Variants in PLCD3 observed in about 807,000 individuals in gnomAD.
PLCD3 encodes 1-phosphatidylinositol 4,5-bisphosphate phosphodiesterase delta-3.
A neutral mutation model predicts 82.8 loss-of-function variants in PLCD3; 62 were observed. The ratio of observed to expected loss-of-function variants is 0.75; its 90% confidence interval spans 0.61 to 0.93. The LOEUF is 0.93. PLCD3 is among the 40% of genes least tolerant of loss of function. The pLI, the probability that PLCD3 is intolerant of heterozygous loss-of-function variation, is 0.00. For synonymous variants in PLCD3, 478 were observed against 471.8 expected (o/e 1.01, Z -0.17); for missense variants, 1,023 against 1,103.4 (o/e 0.93, Z 1.03).
chr17:45,112,586 G>A lies in PLCD3; in HGVS notation c.*30C>T, dbSNP rs369852677. 157 of 1,561,660 alleles carry A rather than the reference G, an allele frequency of 1.0e-4. No individual in the cohort carries two copies. The East Asian group carries it at 1.1e-3, about 11-fold the overall frequency. On this transcript the variant is annotated 3_prime_UTR_variant, in exon 15 of 15. Coordinates refer to ENST00000619929, the MANE Select transcript of PLCD3 (RefSeq NM_133373.5). ...CTGCAGGGGATGTGGACTGGCACTCGCAGAACCCCAAGGCGAGTGAGGTGG... is the reference window on the plus strand; with the variant it reads ...CTGCAGGGGATGTGGACTGGCACTCACAGAACCCCAAGGCGAGTGAGGTGG...
At chr17:45,123,143 A>G (rs2054354241) in intron 1 of PLCD3, among the ~76,000 whole-genome samples, 1 of 152,014 alleles carries the variant, frequency 6.6e-6, no homozygotes, top group Non-Finnish European at 1.5e-5. Context: ...CCAATTGCAA[A>G]TTCTGACCTA....
Position 45,127,027 on chromosome 17 carries a change from G to A in PLCD3, c.163+5221C>T, listed in dbSNP as rs550908658. 5.8e-4 allele frequency among the ~76,000 whole-genome samples: 89 copies of A among 152,370 alleles called. 1 individual carries two copies. Among genetic ancestry groups the A allele is most frequent in the African/African-American group, 2.1e-3 (86 of 41,592 alleles). Reference sequence around the variant, plus strand: ...GACAGCCAGGTCGGCACCCGGTGGGGCTGAAATGTGGTGGAAGTTGGGGGA... The same window carrying A: ...GACAGCCAGGTCGGCACCCGGTGGGACTGAAATGTGGTGGAAGTTGGGGGA... On this transcript the variant is annotated intron_variant, in intron 1 of 14. Coordinates refer to ENST00000619929, the MANE Select transcript of PLCD3 (RefSeq NM_133373.5).
In PLCD3 at chr17:45,110,825, C is replaced by T. The variant is rs930370339; in HGVS notation, c.*1791G>A. 2 of 152,252 alleles carry T rather than the reference C, an allele frequency of 1.3e-5. No homozygotes were observed. Among genetic ancestry groups the T allele is most frequent in the African/African-American group, 2.4e-5 (1 of 41,456 alleles). 9.4% of individuals were successfully genotyped at this position (152,252 alleles called of 1,614,324 possible). A position where few individuals can be genotyped will look rare whatever the true frequency, so the allele number is the denominator to read the frequency against. Reference sequence around the variant, plus strand: ...TCTGGGCCCTTTTGATTCTGATTATCCTCTTTCAGACACACAAATTAACCA... The same window carrying T: ...TCTGGGCCCTTTTGATTCTGATTATTCTCTTTCAGACACACAAATTAACCA... On this transcript the variant is annotated 3_prime_UTR_variant, in exon 15 of 15. Transcript: ENST00000619929.
At chr17:45,115,726 C>T in intron 8 of PLCD3, 1 of 531,486 alleles carries the variant, frequency 1.9e-6, no homozygotes. Flanking sequence ...GCAGCCACTA[C>T]AATGCACGCG....
chr17:45,116,475 C>T (rs1293465635), intron 8 of PLCD3, among the ~76,000 whole-genome samples, 157 bp downstream of exon 8: 2 of 152,030 alleles, frequency 1.3e-5, no homozygotes, highest in African/African-American at 2.4e-5. Flanking sequence ...AAGGACAAGA[C>T]CAGGGGATGG....
Position 45,118,239 on chromosome 17 carries a change from A to G in PLCD3, c.1115+52T>C. On this transcript the variant is annotated intron_variant, in intron 6 of 14. Transcript: ENST00000619929. The surrounding 1 kb of genome is among the most constrained non-coding windows in gnomAD (Gnocchi z 4.1). ...CAGGAAGGCCCCAGGAAGCCAGCCC[A>G]TGTCTCTCCCCAGGTGGGGCTCCCG... 2 of 1,612,244 alleles carry G rather than the reference A, an allele frequency of 1.2e-6. No homozygotes were observed. Among genetic ancestry groups the G allele is most frequent in the Non-Finnish European group, 8.5e-7 (1 of 1,178,724 alleles).
intron 4 of PLCD3, among the ~76,000 whole-genome samples, chr17:45,119,827 C>A (rs562663266): frequency 5.3e-5 from 8 of 150,854 alleles, no homozygotes; most frequent in Non-Finnish European, 7.4e-5. Flanking sequence ...TGGGTCCCAC[C>A]ATCCACATGC....
chr17:45,115,074 C>T lies in PLCD3; in HGVS notation c.1711+20G>A. 2 of 1,585,324 alleles carry T rather than the reference C, an allele frequency of 1.3e-6. No individual in the cohort carries two copies. Among genetic ancestry groups the T allele is most frequent in the Non-Finnish European group, 1.7e-6 (2 of 1,165,838 alleles). ...TCTCTCACCCTCTCGCCCCCAGACA[C>T]CCAGTGCCCCAGCTCCTACCTGCCT... On this transcript the variant is annotated intron_variant, in intron 10 of 14. Coordinates refer to ENST00000619929, the MANE Select transcript of PLCD3 (RefSeq NM_133373.5).
In PLCD3 at chr17:45,115,151, G is replaced by A. The variant is rs2054278698; in HGVS notation, c.1654C>T (p.Pro552Ser). Residue 552 changes from proline to serine, a missense_variant, in exon 10 of 15, where the codon CCC becomes TCC. Around this residue, in one of 3 missense-constraint regions of PLCD3, gnomAD observed 553 missense variants for 655.7 expected, o/e 0.84. Transcript: ENST00000619929. ...TCGCTGAGGGAGCTGACCTGGCAGG[G>A]TTGTGGGGCGTTGGGGGCAGGGTGC... ...TLHPAPNAPQPCQVSSLSERK... is the reference protein window; with the variant it reads ...TLHPAPNAPQSCQVSSLSERK... The A allele has an allele frequency of 1.3e-6, 2 of 1,598,958 alleles. No individual in the cohort carries two copies. Among genetic ancestry groups the A allele is most frequent in the East Asian group, 4.5e-5 (2 of 44,274 alleles).
At position 45,114,337 on chromosome 17, in the gene PLCD3, G is replaced by C; in HGVS notation, c.1741C>G (p.Gln581Glu). ...CCCAGCGGGTACACGCGGGTCAGCT[G>C]GCGGGCATTGTGCCTGACAAAGCTG... ...GNSFVRHNAR[Q>E]LTRVYPLGLR... Residue 581 changes from glutamine to glutamate, a missense_variant, in exon 11 of 15, where the codon CAG becomes GAG. By Grantham distance (29) the Gln-to-Glu change is conservative. Around this residue, in one of 3 missense-constraint regions of PLCD3, gnomAD observed 553 missense variants for 655.7 expected, o/e 0.84. Transcript: ENST00000619929. 6.5e-7 allele frequency: 1 copy of C among 1,549,406 alleles called. No homozygotes were observed. The highest frequency in any genetic ancestry group is 1.7e-4 in the Middle Eastern group (1 of 5,972).
At chr17:45,124,593 G>A (rs1397315961) in intron 1 of PLCD3, among the ~76,000 whole-genome samples, 1 of 152,224 alleles carries the variant, frequency 6.6e-6, no homozygotes, top group Non-Finnish European at 1.5e-5. Flanking sequence ...AGGTAAGGAG[G>A]CAAGGTCAGA....
In PLCD3 at chr17:45,132,312, C is replaced by G. The variant is rs776864802; in HGVS notation, c.99G>C (p.Pro33=). ...AAQVAAPVAL[P]SPPTPSDGGT... The stretch of plus-strand genomic sequence containing the variant: ...CGCCATCGGAGGGAGTCGGCGGGGA[C>G]GGGAGAGCGACCGGCGCCGCGACTT... The change falls in exon 1 of 15, where the codon CCG becomes CCC. Residue 33 remains proline (P), a synonymous_variant. Transcript: ENST00000619929. This position sits in a 1 kb window ranked among gnomAD's most constrained non-coding sequence, Gnocchi z 4.6. The G allele has an allele frequency of 3.2e-6, 4 of 1,251,736 alleles. No homozygotes were observed. The highest frequency in any genetic ancestry group is 3.0e-6 in the Non-Finnish European group (3 of 997,558). The allele number at this position is 1,251,736 out of a possible 1,614,324, so 77.5% of individuals were successfully genotyped here.
Position 45,114,321 on chromosome 17 carries a change from TACAC to T in PLCD3, c.1753_1756del (p.Val585ThrfsTer7). 1 of 1,549,580 alleles carries T rather than the reference TACAC, an allele frequency of 6.5e-7. No homozygotes were observed. The highest frequency in any genetic ancestry group is 1.2e-5 in the South Asian group (1 of 83,866). ...TGAGTTCATCCGCAGCCCCAGCGGGTACACGCGGGTCAGCTGGCGGGCATTGTGC... is the reference window on the plus strand; with the variant it reads ...TGAGTTCATCCGCAGCCCCAGCGGGTGCGGGTCAGCTGGCGGGCATTGTGC... On this transcript the variant is annotated frameshift_variant, in exon 11 of 15. Coordinates refer to ENST00000619929, the MANE Select transcript of PLCD3 (RefSeq NM_133373.5). LOFTEE classifies it high-confidence loss of function.
At chr17:45,125,750 T>C (rs942781595) in intron 1 of PLCD3, among the ~76,000 whole-genome samples, 7 of 152,234 alleles carry the variant, frequency 4.6e-5, no homozygotes, top group Non-Finnish European at 1.0e-4. Flanking sequence ...GAAAACATCA[T>C]GCTAAGTGAA....
At chr17:45,117,783 G>A (rs530162826) in intron 7 of PLCD3, among the ~76,000 whole-genome samples, 4 of 152,304 alleles carry the variant, frequency 2.6e-5, no homozygotes, top group African/African-American at 9.6e-5. Flanking sequence ...TCCCAAATAT[G>A]AGAGAGGGAA....
intron 3 of PLCD3, 87 bp downstream of exon 3, chr17:45,120,815 T>C: frequency 2.2e-6 from 3 of 1,357,592 alleles, no homozygotes; most frequent in South Asian, 3.2e-5. Context: ...CTGCCTTCCC[T>C]GGGCGTGGGG....
Position 45,120,449 on chromosome 17 carries a change from A to G in PLCD3, c.560T>C (p.Ile187Thr). ...MSQRERLDHWIHSYLHRADSN... is the reference protein window; with the variant it reads ...MSQRERLDHWTHSYLHRADSN... The stretch of plus-strand genomic sequence containing the variant: ...GTCAGCCCGGTGCAGATAGGAGTGG[A>G]TCCAGGTGTGGGTGCTCAGGAAATA... The change falls in exon 4 of 15, where the codon ATC (isoleucine) becomes ACC (threonine). Residue 187 changes from isoleucine (I) to threonine (T), a missense_variant. Ile to Thr is a moderately conservative substitution (Grantham distance 89). Around this residue, in one of 3 missense-constraint regions of PLCD3, gnomAD observed 448 missense variants for 406.3 expected, o/e 1.10. Coordinates refer to ENST00000619929, the MANE Select transcript of PLCD3 (RefSeq NM_133373.5). 1 of 1,613,916 alleles carries G rather than the reference A, an allele frequency of 6.2e-7. No individual in the cohort carries two copies. Among genetic ancestry groups the G allele is most frequent in the Non-Finnish European group, 8.5e-7 (1 of 1,179,850 alleles).
In PLCD3 at chr17:45,110,419, G is replaced by A. The variant is rs34497316; in HGVS notation, c.*2197C>T. On this transcript the variant is annotated 3_prime_UTR_variant, in exon 15 of 15. Coordinates refer to ENST00000619929, the MANE Select transcript of PLCD3 (RefSeq NM_133373.5). ...AGATCACGCCATCGCACTCCATCCT[G>A]GGGGACGAGCAAGACTTTGTCTCAA... 0.14 allele frequency: 20,697 copies of A among 150,920 alleles called. 1,412 individuals carry two copies. The highest frequency in any genetic ancestry group is 0.19 in the Middle Eastern group (55 of 294). 9.3% of individuals were successfully genotyped at this position (150,920 alleles called of 1,614,324 possible).
In PLCD3 at chr17:45,112,587, C is replaced by G; in HGVS notation, c.*29G>C. 1 of 1,565,816 alleles carries G rather than the reference C, an allele frequency of 6.4e-7. No homozygotes were observed. The highest frequency in any genetic ancestry group is 8.7e-7 in the Non-Finnish European group (1 of 1,152,836). On this transcript the variant is annotated 3_prime_UTR_variant, in exon 15 of 15. Coordinates refer to ENST00000619929, the MANE Select transcript of PLCD3 (RefSeq NM_133373.5). ...TGCAGGGGATGTGGACTGGCACTCGCAGAACCCCAAGGCGAGTGAGGTGGG... is the reference window on the plus strand; with the variant it reads ...TGCAGGGGATGTGGACTGGCACTCGGAGAACCCCAAGGCGAGTGAGGTGGG...
Sources: gnomAD v4.1 joint callset for allele counts (sites outside exome capture counted in the v4.1 genomes callset) on GRCh38, gnomAD v4.1.1 for gene constraint, gnomAD v4.1.1 regional missense constraint, Gnocchi (gnomAD v3.1) non-coding constraint, MANE v1.5 for transcripts, NCBI Gene and HGNC (gene_info 2026-07-23, HGNC 2026-07-21) for gene names.